Variants in C11orf86 observed in about 807,000 individuals in gnomAD.
The protein encoded by C11orf86 is uncharacterized protein C11orf86.
Under a neutral mutation model 11.1 loss-of-function variants are expected in C11orf86, and 13 were observed. The ratio of observed to expected loss-of-function variants is 1.17; its 90% CI spans 0.76 to 1.86. The LOEUF (loss-of-function observed/expected upper bound fraction) is 1.86. Ranked by LOEUF, C11orf86 falls within the 40% of genes most tolerant of loss-of-function variation. The pLI is 0.00. For missense variants in C11orf86, 144 were observed against 146.5 expected (o/e 0.98, Z 0.09); for synonymous variants, 86 against 64.7 (o/e 1.33, Z -1.58).
rs2136180904 is a variant in C11orf86 at position 66,975,542 on chromosome 11, T to C, written c.180T>C (p.Thr60=). 1.3e-6 allele frequency: 2 copies of C among 1,551,456 alleles called. No homozygotes were observed. The highest frequency in any genetic ancestry group is 1.2e-5 in the South Asian group (1 of 84,062). The change falls in exon 1 of 2, where the codon ACT becomes ACC. Residue 60 remains threonine (T), a synonymous_variant. Coordinates refer to ENST00000683896, the MANE Select transcript of C11orf86 (RefSeq NM_001353554.2). Reference sequence around the variant, plus strand: ...GAGGCACAGAAGGGCCAGATGCCACTGCCCAGGAGCGGGTGCCGGGGAGCC... The same window carrying C: ...GAGGCACAGAAGGGCCAGATGCCACCGCCCAGGAGCGGGTGCCGGGGAGCC... ...LERGTEGPDA[T]AQERVPGSLG... is the part of the protein sequence containing the mutation.
rs774743614 is a variant in C11orf86 at position 66,976,295 on chromosome 11, G to A, written c.*44G>A. On this transcript the variant is annotated 3_prime_UTR_variant, in exon 2 of 2. Coordinates refer to ENST00000683896, the MANE Select transcript of C11orf86 (RefSeq NM_001353554.2). The stretch of plus-strand genomic sequence containing the variant: ...AGCTAAAGATGCTGGAAGCCATCGT[G>A]GCCCCCTTGCTGTGCCTGGACCAGC... 6.5e-7 allele frequency: 1 copy of A among 1,541,040 alleles called. No homozygotes were observed. The highest frequency in any genetic ancestry group is 1.2e-5 in the South Asian group (1 of 83,892).
chr11:66,975,669 C>A, intron 1 of C11orf86, 31 bp downstream of exon 1: 1 of 1,537,938 alleles, frequency 6.5e-7, no homozygotes, highest in Non-Finnish European at 8.7e-7. Flanking sequence ...ATGGAGGGTA[C>A]CACAGCAGGT....
intron 1 of C11orf86, 50 bp from the exon 2 acceptor site, chr11:66,976,127 T>A: frequency 6.5e-7 from 1 of 1,534,720 alleles, no homozygotes; most frequent in Admixed American, 2.0e-5. Flanking sequence ...TGGAACAACA[T>A]CTAAGCCCAC....
Position 66,976,367 on chromosome 11 carries a change from CTGGGT to C in C11orf86, c.*117_*121del. 1 of 1,170,972 alleles carries C rather than the reference CTGGGT, an allele frequency of 8.5e-7. No individual in the cohort carries two copies. Among genetic ancestry groups the C allele is most frequent in the South Asian group, 1.4e-5 (1 of 72,552 alleles). The allele number at this position is 1,170,972 out of a possible 1,614,324, so 72.5% of individuals were successfully genotyped here. A position where few individuals can be genotyped will look rare whatever the true frequency, so the allele number is the denominator to read the frequency against. ...CTCTTCACAGCTCTCTGGACTTTGGCTGGGTGGCCCTAGGAGGCTTCTGCCACCAG... is the reference window on the plus strand; with the variant it reads ...CTCTTCACAGCTCTCTGGACTTTGGCGGCCCTAGGAGGCTTCTGCCACCAG... On this transcript the variant is annotated 3_prime_UTR_variant, in exon 2 of 2. Transcript: ENST00000683896.
rs1478973512 is a variant in C11orf86 at position 66,975,455 on chromosome 11, A to C, written c.93A>C (p.Gln31His). 1.1e-5 allele frequency: 17 copies of C among 1,550,874 alleles called. No individual in the cohort carries two copies. Among genetic ancestry groups the C allele is most frequent in the Admixed American group, 2.0e-5 (1 of 50,890 alleles). ...QEPWGRPQEG[Q>H]LRRALSLRQG... is the part of the protein sequence containing the mutation. ...CCTGGGGGAGGCCCCAGGAGGGCCA[A>C]CTCCGCAGGGCGCTAAGCCTCAGAC... Residue 31 changes from glutamine (Q) to histidine (H), a missense_variant, in exon 1 of 2, where the codon CAA becomes CAC. Physicochemically the swap from Gln to His is conservative, Grantham distance 24. Transcript: ENST00000683896.
rs185998533 is a variant in C11orf86, at chr11:66,976,511, C to T, written c.*260C>T. 7.4e-6 allele frequency: 4 copies of T among 537,178 alleles called. No individual in the cohort carries two copies. The highest frequency in any genetic ancestry group is 3.1e-5 in the Admixed American group (1 of 31,964). The allele number at this position is 537,178 out of a possible 1,614,324, so 33.3% of individuals were successfully genotyped here. On this transcript the variant is annotated 3_prime_UTR_variant, in exon 2 of 2. Coordinates refer to ENST00000683896, the MANE Select transcript of C11orf86 (RefSeq NM_001353554.2). ...AAAGAAGGGGGCTCAGCTGTCTGCC[C>T]TCTGGGCTTGGGTAGGGGCCTTGGA...
In C11orf86 at chr11:66,976,526, G is replaced by C. The variant is rs1328132511; in HGVS notation, c.*275G>C. On this transcript the variant is annotated 3_prime_UTR_variant, in exon 2 of 2. Coordinates refer to ENST00000683896, the MANE Select transcript of C11orf86 (RefSeq NM_001353554.2). ...GCTGTCTGCCCTCTGGGCTTGGGTAGGGGCCTTGGACTATGATTCTATGAA... is the reference window on the plus strand; with the variant it reads ...GCTGTCTGCCCTCTGGGCTTGGGTACGGGCCTTGGACTATGATTCTATGAA... 2 of 512,558 alleles carry C rather than the reference G, an allele frequency of 3.9e-6. No individual in the cohort carries two copies. 31.8% of individuals were successfully genotyped at this position (512,558 alleles called of 1,614,324 possible).
rs537713734 is a variant in C11orf86, at chr11:66,976,091, G to A, written c.277-86G>A. On this transcript the variant is annotated intron_variant, in intron 1 of 1. Transcript: ENST00000683896. ...AATGAGCAGTGCTTCTCTACCTGGG[G>A]TCTACCCCCACCTCGTGGCTATGGG... The A allele has an allele frequency of 8.9e-5, 118 of 1,330,580 alleles. No homozygotes were observed. In the African/African-American group the frequency reaches 1.4e-3, roughly 16 times the overall value. The allele number at this position is 1,330,580 out of a possible 1,614,324, so 82.4% of individuals were successfully genotyped here.
rs1024762653 is a variant in C11orf86, at chr11:66,976,972, A to G, written c.*721A>G. ...CACCCCATCCAGTGTCCAGCACTGG[A>G]GTCGAACACAGTAATAAAGATGCTG... On this transcript the variant is annotated 3_prime_UTR_variant, in exon 2 of 2. Coordinates refer to ENST00000683896, the MANE Select transcript of C11orf86 (RefSeq NM_001353554.2). The G allele has an allele frequency of 1.3e-5, 2 of 152,128 alleles. No individual in the cohort carries two copies. Among genetic ancestry groups the G allele is most frequent in the Non-Finnish European group, 2.9e-5 (2 of 68,072 alleles). The allele number at this position is 152,128 out of a possible 1,614,324, so 9.4% of individuals were successfully genotyped here.
At position 66,976,224 on chromosome 11, in the gene C11orf86, G is replaced by C; in HGVS notation, c.324G>C (p.Val108=). ...WESFVAIFPS[V]TLSQPASP is the part of the protein sequence containing the mutation. ...GCTTTGTCGCCATCTTCCCCAGCGT[G>C]ACTCTGAGTCAGCCGGCCTCCCCGT... is the stretch of plus-strand genomic sequence containing the variant. Residue 108 remains valine, a synonymous_variant, in exon 2 of 2, where the codon GTG becomes GTC. Coordinates refer to ENST00000683896, the MANE Select transcript of C11orf86 (RefSeq NM_001353554.2). 1 of 1,551,360 alleles carries C rather than the reference G, an allele frequency of 6.4e-7. No individual in the cohort carries two copies. Among genetic ancestry groups the C allele is most frequent in the Admixed American group, 2.0e-5 (1 of 50,996 alleles).
In C11orf86 at chr11:66,976,461, T is replaced by C. The variant is rs1949790304; in HGVS notation, c.*210T>C. On this transcript the variant is annotated 3_prime_UTR_variant, in exon 2 of 2. Transcript: ENST00000683896. ...GGCCCTTCCACTCCAGCACTAGCTC[T>C]CTTTGAAGATCCCAGCAGGGTCAAA... 1.0e-5 allele frequency: 6 copies of C among 588,218 alleles called. No homozygotes were observed. 36.4% of individuals were successfully genotyped at this position (588,218 alleles called of 1,614,324 possible).
chr11:66,976,623 A>G lies in C11orf86; in HGVS notation c.*372A>G, dbSNP rs553242460. On this transcript the variant is annotated 3_prime_UTR_variant, in exon 2 of 2. Transcript: ENST00000683896. ...CCCACACGACCAGCTGTCAACTTCC[A>G]GGACGGAGCTTGATGAAGCCAGACC... The G allele has an allele frequency of 5.1e-5, 11 of 217,292 alleles. No individual in the cohort carries two copies. Among genetic ancestry groups the G allele is most frequent in the African/African-American group, 2.5e-4 (11 of 44,128 alleles). 13.5% of individuals were successfully genotyped at this position (217,292 alleles called of 1,614,324 possible).
chr11:66,976,247 C>T lies in C11orf86; in HGVS notation c.347C>T (p.Pro116Leu), dbSNP rs368606084. Reference protein sequence around the residue: ...PSVTLSQPASP With the variant: ...PSVTLSQPASL ...GTGACTCTGAGTCAGCCGGCCTCCC[C>T]GTAGCCCACACTGGGCACCATCAGC... The change falls in exon 2 of 2, where the codon CCG becomes CTG. Residue 116 changes from proline (P) to leucine (L), a missense_variant. Transcript: ENST00000683896. 78 of 1,550,890 alleles carry T rather than the reference C, an allele frequency of 5.0e-5. No homozygotes were observed. Among genetic ancestry groups the T allele is most frequent in the Non-Finnish European group, 6.2e-5 (71 of 1,146,982 alleles).
intron 1 of C11orf86, 145 bp downstream of exon 1, chr11:66,975,783 A>C: frequency 7.9e-7 from 1 of 1,258,344 alleles, no homozygotes; most frequent in Non-Finnish European, 1.1e-6. Context: ...AGAGAGAGAC[A>C]CCCCAGAGCC....
At chr11:66,975,925 A>G (rs1399340676) in intron 1 of C11orf86, among the ~76,000 whole-genome samples, 1 of 152,194 alleles carries the variant, frequency 6.6e-6, no homozygotes, top group African/African-American at 2.4e-5. Flanking sequence ...GGATGGGGGA[A>G]TAGAGCAGGA....
rs1949786853 is a variant in C11orf86, at chr11:66,976,177, C to G, written c.277C>G (p.Gln93Glu). Residue 93 changes from glutamine (Q) to glutamate (E), a missense_variant and splice_region_variant, in exon 2 of 2, where the codon CAG becomes GAG. Coordinates refer to ENST00000683896, the MANE Select transcript of C11orf86 (RefSeq NM_001353554.2). ...SRWWLRRYQQ[Q>E]VRRRWESFVA... ...GACCTCCCCCACCTCTGTCTTCCAG[C>G]AGGTAAGAAGAAGGTGGGAGAGCTT... 8.4e-6 allele frequency: 13 copies of G among 1,551,452 alleles called. No homozygotes were observed. Among genetic ancestry groups the G allele is most frequent in the Non-Finnish European group, 1.1e-5 (13 of 1,146,946 alleles).
chr11:66,975,446 G>A lies in C11orf86; in HGVS notation c.84G>A (p.Gln28=), dbSNP rs754960317. The A allele has an allele frequency of 1.0e-4, 157 of 1,550,928 alleles. No individual in the cohort carries two copies. Among genetic ancestry groups the A allele is most frequent in the Non-Finnish European group, 1.3e-4 (146 of 1,146,872 alleles). Residue 28 remains glutamine (Q), a synonymous_variant, in exon 1 of 2, where the codon CAG becomes CAA. Transcript: ENST00000683896. ...GKLQEPWGRP[Q]EGQLRRALSL... is the part of the protein sequence containing the mutation. ...TGCAGGAGCCCTGGGGGAGGCCCCA[G>A]GAGGGCCAACTCCGCAGGGCGCTAA...
rs896333295 is a variant in C11orf86, at chr11:66,975,691, C to A, written c.276+53C>A. 3.9e-6 allele frequency: 6 copies of A among 1,524,098 alleles called. No individual in the cohort carries two copies. The African/African-American group carries it at 7.0e-5, about 18-fold the overall frequency. 94.4% of individuals were successfully genotyped at this position (1,524,098 alleles called of 1,614,324 possible). A position where few individuals can be genotyped will look rare whatever the true frequency, so the allele number is the denominator to read the frequency against. On this transcript the variant is annotated intron_variant, in intron 1 of 1. Coordinates refer to ENST00000683896, the MANE Select transcript of C11orf86 (RefSeq NM_001353554.2). ...GTACCACAGCAGGTGGGCAGGGATT[C>A]CAGGGCAGGAAAGGTTCAGAGACAG...
chr11:66,976,587 G>T lies in C11orf86; in HGVS notation c.*336G>T. On this transcript the variant is annotated 3_prime_UTR_variant, in exon 2 of 2. Transcript: ENST00000683896. The stretch of plus-strand genomic sequence containing the variant: ...AAGCCTGCCCGGAATGGGGGCTGTG[G>T]ACGCTCCTGCCCCACACGACCAGCT... 3.2e-6 allele frequency: 1 copy of T among 307,912 alleles called. No homozygotes were observed. Among genetic ancestry groups the T allele is most frequent in the Non-Finnish European group, 6.1e-6 (1 of 163,260 alleles). The allele number at this position is 307,912 out of a possible 1,614,324, so 19.1% of individuals were successfully genotyped here. A position where few individuals can be genotyped will look rare whatever the true frequency, so the allele number is the denominator to read the frequency against.
Sources: allele counts gnomAD v4.1 joint callset (sites outside exome capture counted in the v4.1 genomes callset), GRCh38; gene constraint gnomAD v4.1.1; transcripts MANE v1.5; gene names NCBI Gene and HGNC (gene_info 2026-07-23, HGNC 2026-07-21).